The following SPOCK3 variants were observed in gnomAD, a reference collection of about 807,000 sequenced individuals.
SPOCK3 encodes the protein testican-3.
A neutral mutation model predicts 56.6 loss-of-function variants in SPOCK3; 30 were observed. The ratio of observed to expected loss-of-function variants is 0.53; its 90% CI spans 0.40 to 0.72. SPOCK3 has a LOEUF of 0.72. Ranked by LOEUF, SPOCK3 falls within the 30% of genes least tolerant of loss-of-function variation. The probability of loss-of-function intolerance (pLI) is 0.00; values close to 1 mark genes in which losing one functional copy is unlikely to be tolerated. For missense variants in SPOCK3, 527 were observed against 530.0 expected (o/e 0.99, Z 0.06); for synonymous variants, 196 against 183.3 (o/e 1.07, Z -0.56).
intron 7 of SPOCK3, among the ~76,000 whole-genome samples, chr4:166,774,432 G>C (rs1358632054): frequency 6.6e-6 from 1 of 152,130 alleles, no homozygotes; most frequent in Non-Finnish European, 1.5e-5. Context: ...CTTGTCATAT[G>C]TGATATTTTT....
At chr4:167,210,586 G>A (rs1003037473) in intron 2 of SPOCK3, among the ~76,000 whole-genome samples, 4 of 152,072 alleles carry the variant, frequency 2.6e-5, no homozygotes, top group Non-Finnish European at 5.9e-5. Flanking sequence ...AAAGATAAAT[G>A]TGTGTATTTA....
rs1264672620 is a variant in SPOCK3 at position 167,231,510 on chromosome 4, TGA to T, written c.189+2473_189+2474del. Reference sequence around the variant, plus strand: ...TAAAGTGAGTACATAAATCATTATTTGAGATATGAATGCTCATGCAGAACATT... The same window carrying T: ...TAAAGTGAGTACATAAATCATTATTTGATATGAATGCTCATGCAGAACATT... On this transcript the variant is annotated intron_variant, in intron 2 of 10. Transcript: ENST00000357545. 4.6e-5 allele frequency among the ~76,000 whole-genome samples: 7 copies of T among 152,248 alleles called. No individual in the cohort carries two copies. In the East Asian group the frequency reaches 1.4e-3, roughly 29 times the overall value.
At chr4:167,060,860 T>C (rs1000556101) in intron 3 of SPOCK3, among the ~76,000 whole-genome samples, 1 of 152,060 alleles carries the variant, frequency 6.6e-6, no homozygotes, top group East Asian at 1.9e-4. Flanking sequence ...CTAACTGCTT[T>C]CAATATCTTA....
intron 2 of SPOCK3, among the ~76,000 whole-genome samples, chr4:167,104,308 C>A (rs1350418100): frequency 6.6e-6 from 1 of 152,090 alleles, no homozygotes. Context: ...CAAAATAGCT[C>A]TTTTGAGGAA....
rs551902439 is a variant in SPOCK3, at chr4:167,072,228, G to A, written c.190-9691C>T. Among the ~76,000 whole-genome samples the A allele has an allele frequency of 9.9e-5, 15 of 152,136 alleles. No individual in the cohort carries two copies. The East Asian group carries it at 2.9e-3, about 30-fold the overall frequency. On this transcript the variant is annotated intron_variant, in intron 2 of 10. Transcript: ENST00000357545. ...AGAACCCCAGAAGTATAGCCCCAAA[G>A]CCTTCATTTGAAACCATTCCAGCAT...
At chr4:167,008,803 C>G (rs1191972303) in intron 3 of SPOCK3, among the ~76,000 whole-genome samples, 2 of 151,846 alleles carry the variant, frequency 1.3e-5, no homozygotes, top group African/African-American at 2.4e-5. Flanking sequence ...ACACATGGAC[C>G]TAAAGATGGA....
At chr4:167,070,373 T>C (rs1756555537) in intron 2 of SPOCK3, among the ~76,000 whole-genome samples, 1 of 151,984 alleles carries the variant, frequency 6.6e-6, no homozygotes, top group Admixed American at 6.6e-5. Flanking sequence ...AAGTTTAATA[T>C]GCTATTGTTC....
At chr4:167,142,808 T>C (rs1158060844) in intron 2 of SPOCK3, among the ~76,000 whole-genome samples, 1 of 151,972 alleles carries the variant, frequency 6.6e-6, no homozygotes, top group Admixed American at 6.6e-5. Flanking sequence ...GGGACAAAGG[T>C]ATACTAATAT....
At chr4:167,220,784 TG>T (rs1382080910) in intron 2 of SPOCK3, among the ~76,000 whole-genome samples, 1 of 152,164 alleles carries the variant, frequency 6.6e-6, no homozygotes, top group Non-Finnish European at 1.5e-5. Flanking sequence ...AGTAATATGC[TG>T]TTGCCAAATA....
chr4:167,135,559 G>A (rs1437033602), intron 2 of SPOCK3, among the ~76,000 whole-genome samples: 2 of 152,080 alleles, frequency 1.3e-5, no homozygotes, highest in African/African-American at 4.8e-5. Context: ...GACCACCAGT[G>A]TACTATATGA....
At chr4:167,161,161 A>G (rs1197708468) in intron 2 of SPOCK3, among the ~76,000 whole-genome samples, 1 of 152,232 alleles carries the variant, frequency 6.6e-6, no homozygotes, top group Non-Finnish European at 1.5e-5. Context: ...AAGGGCTAAT[A>G]TCCCGAATCT....
At chr4:167,097,865 T>G (rs896406605) in intron 2 of SPOCK3, among the ~76,000 whole-genome samples, 1 of 151,950 alleles carries the variant, frequency 6.6e-6, no homozygotes, top group African/African-American at 2.4e-5. Context: ...CATGCAGCCA[T>G]AGAAAAGAAT....
At chr4:167,026,824 T>G (rs987019206) in intron 3 of SPOCK3, among the ~76,000 whole-genome samples, 4 of 151,570 alleles carry the variant, frequency 2.6e-5, no homozygotes, top group African/African-American at 7.3e-5. Flanking sequence ...TTTGAAGTTT[T>G]TTTTTTTTTT....
Position 166,742,013 on chromosome 4 carries a change from C to T in SPOCK3, c.978G>A (p.Gly326=). 1 of 1,612,450 alleles carries T rather than the reference C, an allele frequency of 6.2e-7. No homozygotes were observed. The highest frequency in any genetic ancestry group is 1.1e-5 in the South Asian group (1 of 91,024). ...TELSNIQKRQ[G]VKKLLGQYIP... Reference sequence around the variant, plus strand: ...ATTACTCACCTAGGAGCTTCTTTACCCCTTGCCGCTTCTGAATATTGCTGA... The same window carrying T: ...ATTACTCACCTAGGAGCTTCTTTACTCCTTGCCGCTTCTGAATATTGCTGA... The change falls in exon 9 of 11, where the codon GGG becomes GGA. Residue 326 remains glycine (G), a synonymous_variant. Coordinates refer to ENST00000357545, the MANE Select transcript of SPOCK3 (RefSeq NM_001040159.2).
At chr4:167,031,388 T>C (rs9312476) in intron 3 of SPOCK3, among the ~76,000 whole-genome samples, 54,927 of 151,842 alleles carry the variant, frequency 0.36, 12,309 homozygotes, top group African/African-American at 0.64. Flanking sequence ...ACACAAATAT[T>C]ATCCCGTTTT....
Position 167,135,287 on chromosome 4 carries a change from C to A in SPOCK3, c.190-72750G>T, listed in dbSNP as rs1049907685. Among the ~76,000 whole-genome samples the A allele has an allele frequency of 2.0e-5, 3 of 151,922 alleles. No homozygotes were observed. The East Asian group carries it at 5.8e-4, about 29-fold the overall frequency. On this transcript the variant is annotated intron_variant, in intron 2 of 10. Transcript: ENST00000357545. ...TTAAGCCTTTATATCTACTAGCATT[C>A]AAAATATACAAAAGATTTGGAAAGT...
At position 166,742,070 on chromosome 4, in the gene SPOCK3, AT is replaced by A; in HGVS notation, c.932-12del. 1 of 1,603,726 alleles carries A rather than the reference AT, an allele frequency of 6.2e-7. No homozygotes were observed. The highest frequency in any genetic ancestry group is 8.5e-7 in the Non-Finnish European group (1 of 1,171,424). The stretch of plus-strand genomic sequence containing the variant: ...TCTGGCAAGGTGGGTCTGCAATGAC[AT>A]TAAAAATGTTACTTCAAGGATTCTA... On this transcript the variant is annotated splice_polypyrimidine_tract_variant and intron_variant, in intron 8 of 10. Transcript: ENST00000357545.
intron 2 of SPOCK3, among the ~76,000 whole-genome samples, chr4:167,130,006 A>T (rs1762577119): frequency 1.3e-5 from 2 of 152,144 alleles, no homozygotes; most frequent in Non-Finnish European, 2.9e-5. Flanking sequence ...GTTTTCCAAA[A>T]ATAAGGTTAA....
intron 2 of SPOCK3, among the ~76,000 whole-genome samples, chr4:167,092,671 C>T (rs1361442703): frequency 6.6e-6 from 1 of 152,116 alleles, no homozygotes; most frequent in African/African-American, 2.4e-5. Flanking sequence ...ACTTTCTATT[C>T]TGTTCTACAC....
Sources: allele counts gnomAD v4.1 joint callset (sites outside exome capture counted in the v4.1 genomes callset), GRCh38; gene constraint gnomAD v4.1.1; transcripts MANE v1.5; gene names NCBI Gene and HGNC (gene_info 2026-07-23, HGNC 2026-07-21).